FGFR4: variants seen among roughly 807,000 people sequenced by gnomAD.
The protein encoded by FGFR4 is hydroxyaryl-protein kinase.
A neutral mutation model predicts 89.9 loss-of-function variants in FGFR4; 63 were observed. That is an observed-to-expected ratio of 0.70 (90% CI 0.57 to 0.86). FGFR4 has a LOEUF of 0.86. Among genes scored for constraint, FGFR4 ranks in the 40% least tolerant of loss-of-function variants. FGFR4 has a pLI of 0.00. For synonymous variants in FGFR4, 486 were observed against 479.4 expected, an observed-to-expected ratio of 1.01 and a Z score of -0.18; for missense variants, 928 against 1,106.7, an observed-to-expected ratio of 0.84 and a Z score of 2.29.
intron 8 of FGFR4, 109 bp downstream of exon 8, chr5:177,092,893 G>C (rs754138584): frequency 6.4e-5 from 98 of 1,535,496 alleles, no homozygotes; most frequent in Non-Finnish European, 8.6e-5. Flanking sequence ...GGTCTGGCCT[G>C]GGGGGCAGTG....
In FGFR4 at chr5:177,089,883, G is replaced by A. The variant is rs1042708434; in HGVS notation, c.91+190G>A. On this transcript the variant is annotated intron_variant, in intron 2 of 17. Transcript: ENST00000292408. The stretch of plus-strand genomic sequence containing the variant: ...CAAGCATTCATCTATCACTGTGTCT[G>A]CGAGAGAGGACTGGCCTTGCAGGGC... 2.1e-5 allele frequency: 17 copies of A among 817,472 alleles called. 1 individual carries two copies. The highest frequency in any genetic ancestry group is 1.7e-4 in the African/African-American group (10 of 59,594). The allele number at this position is 817,472 out of a possible 1,614,324, so 50.6% of individuals were successfully genotyped here.
intron 11 of FGFR4, among the ~76,000 whole-genome samples, chr5:177,094,541 G>GC (rs1346028021): frequency 2.0e-5 from 3 of 151,638 alleles, no homozygotes; most frequent in Admixed American, 6.6e-5. Context: ...CCCTAGGTCT[G>GC]CCCCCCACGT....
In FGFR4 at chr5:177,096,153, A is replaced by T. The variant is rs761369768; in HGVS notation, c.1918A>T (p.Ile640Phe). The change falls in exon 14 of 18, where the codon ATT (isoleucine) becomes TTT (phenylalanine). Residue 640 changes from isoleucine to phenylalanine, a missense_variant. Physicochemically the swap from Ile to Phe is conservative, Grantham distance 21. Transcript: ENST00000292408. Reference protein sequence around the residue: ...DFGLARGVHHIDYYKKTSNGR... With the variant: ...DFGLARGVHHFDYYKKTSNGR... ...TGGGCTGGCCCGCGGCGTCCACCAC[A>T]TTGACTACTATAAGAAAACCAGCAA... is the stretch of plus-strand genomic sequence containing the variant. 7 of 1,614,096 alleles carry T rather than the reference A, an allele frequency of 4.3e-6. No homozygotes were observed. In the Admixed American group the frequency reaches 1.2e-4, roughly 27 times the overall value.
In FGFR4 at chr5:177,092,653, AC is replaced by A; in HGVS notation, c.927del (p.Asp309GlufsTer142). ...FPYVQVLKTA[D>X]INSSEVEVLY... ...GCATGTCCCCCACCCCAGACTGCAG[AC>A]ATCAATAGCTCAGAGGTGGAGGTCC... On this transcript the variant is annotated frameshift_variant, in exon 8 of 18. Transcript: ENST00000292408. LOFTEE classifies it high-confidence loss of function. The A allele has an allele frequency of 6.2e-7, 1 of 1,605,358 alleles. No individual in the cohort carries two copies. The highest frequency in any genetic ancestry group is 8.5e-7 in the Non-Finnish European group (1 of 1,172,936).
intron 5 of FGFR4, 83 bp from the exon 6 acceptor site, chr5:177,091,602 C>A: frequency 6.4e-7 from 1 of 1,559,926 alleles, no homozygotes. Flanking sequence ...GCCCTGTGGG[C>A]AGGATGAGGA....
rs1376315873 is a variant in FGFR4, at chr5:177,096,047, C to T, written c.1822-10C>T. 3 of 1,612,402 alleles carry T rather than the reference C, an allele frequency of 1.9e-6. No homozygotes were observed. Among genetic ancestry groups the T allele is most frequent in the Non-Finnish European group, 2.5e-6 (3 of 1,179,266 alleles). ...GTGTCCTGAGGCACCCAAGCCCCCGCTCCCTGCAGTGTATCCACCGGGACC... is the reference window on the plus strand; with the variant it reads ...GTGTCCTGAGGCACCCAAGCCCCCGTTCCCTGCAGTGTATCCACCGGGACC... On this transcript the variant is annotated splice_polypyrimidine_tract_variant and intron_variant, in intron 13 of 17. Transcript: ENST00000292408.
At chr5:177,096,825 CAGA>C in intron 16 of FGFR4, 84 bp downstream of exon 16, 1 of 1,499,752 alleles carries the variant, frequency 6.7e-7, no homozygotes, top group Non-Finnish European at 9.0e-7. Context: ...GTGTCCCGGC[CAGA>C]AGGACAACAC....
intron 11 of FGFR4, among the ~76,000 whole-genome samples, chr5:177,094,573 C>G (rs765892396): frequency 1.3e-5 from 2 of 151,780 alleles, no homozygotes; most frequent in Non-Finnish European, 2.9e-5. Flanking sequence ...GGAGGACAGC[C>G]CTTCTGCTTG....
Position 177,092,749 on chromosome 5 carries a change from T to A in FGFR4, c.1022T>A (p.Leu341His). The A allele has an allele frequency of 6.2e-7, 1 of 1,614,210 alleles. No homozygotes were observed. Among genetic ancestry groups the A allele is most frequent in the African/African-American group, 1.3e-5 (1 of 75,064 alleles). ...YTCLAGNSIG[L>H]SYQSAWLTVL... Reference sequence around the variant, plus strand: ...TGCCTCGCAGGCAATTCCATCGGCCTCTCCTACCAGTCTGCCTGGCTCACG... The same window carrying A: ...TGCCTCGCAGGCAATTCCATCGGCCACTCCTACCAGTCTGCCTGGCTCACG... Residue 341 changes from leucine to histidine, a missense_variant, in exon 8 of 18, where the codon CTC becomes CAC. Physicochemically the swap from Leu to His is moderately conservative, Grantham distance 99. This residue lies in a region of FGFR4 where 741 missense variants were observed against 836.9 expected (regional missense o/e 0.89). Coordinates refer to ENST00000292408, the MANE Select transcript of FGFR4 (RefSeq NM_213647.3).
chr5:177,091,244 C>A, intron 5 of FGFR4, 140 bp downstream of exon 5: 2 of 1,076,746 alleles, frequency 1.9e-6, no homozygotes, highest in Non-Finnish European at 2.6e-6. Context: ...GGACTGTGGA[C>A]CTGGGCAGCT....
intron 8 of FGFR4, 25 bp downstream of exon 8, chr5:177,092,809 T>C (rs1369319393): frequency 6.2e-7 from 1 of 1,614,118 alleles, no homozygotes; most frequent in Non-Finnish European, 8.5e-7. Flanking sequence ...GGCCAGGAGA[T>C]GCTGCGAGAT....
In FGFR4 at chr5:177,093,345, C is replaced by T; in HGVS notation, c.1251+14C>T. On this transcript the variant is annotated intron_variant, in intron 9 of 17. Transcript: ENST00000292408. This position sits in a 1 kb window ranked among gnomAD's most constrained non-coding sequence, Gnocchi z 5.8. Reference sequence around the variant, plus strand: ...CTGGCCCGACAGGTACTGGGCGCATCCCCCACCTCACATGTGACAGCCTGA... The same window carrying T: ...CTGGCCCGACAGGTACTGGGCGCATTCCCCACCTCACATGTGACAGCCTGA... 6.4e-7 allele frequency: 1 copy of T among 1,551,924 alleles called. No homozygotes were observed. The highest frequency in any genetic ancestry group is 8.8e-7 in the Non-Finnish European group (1 of 1,139,888).
chr5:177,094,710 C>T (rs1461546267), intron 11 of FGFR4: 1 of 156,422 alleles, frequency 6.4e-6, no homozygotes, highest in African/African-American at 2.4e-5. Flanking sequence ...TCCTCCCCTC[C>T]TCTCTACACA....
Position 177,090,942 on chromosome 5 carries a change from C to G in FGFR4, c.441C>G (p.Pro147=), listed in dbSNP as rs761185822. 18 of 1,614,056 alleles carry G rather than the reference C, an allele frequency of 1.1e-5. No individual in the cohort carries two copies. Among genetic ancestry groups the G allele is most frequent in the East Asian group, 2.2e-5 (1 of 44,896 alleles). The change falls in exon 5 of 18, where the codon CCC becomes CCG. Residue 147 remains proline, a synonymous_variant. Coordinates refer to ENST00000292408, the MANE Select transcript of FGFR4 (RefSeq NM_213647.3). ...GGGCCTTCCCCTGCCCTCCAGCACC[C>G]TACTGGACACACCCCCAGCGCATGG... ...SNRHSYPQQA[P]YWTHPQRMEK... is the part of the protein sequence containing the mutation.
In FGFR4 at chr5:177,086,932, C is replaced by G. The variant is rs1784161687; in HGVS notation, c.-199C>G. On this transcript the variant is annotated 5_prime_UTR_variant, in exon 1 of 18. Coordinates refer to ENST00000292408, the MANE Select transcript of FGFR4 (RefSeq NM_213647.3). ...CGCGGGTACATTCCTCGCTCCCGGC[C>G]GAGGAGCGCTCGGGCTGTCTGCGGA... The G allele has an allele frequency of 6.6e-6, 1 of 152,030 alleles. No homozygotes were observed. The highest frequency in any genetic ancestry group is 2.1e-4 in the South Asian group (1 of 4,822). The allele number at this position is 152,030 out of a possible 1,614,324, so 9.4% of individuals were successfully genotyped here. A position where few individuals can be genotyped will look rare whatever the true frequency, so the allele number is the denominator to read the frequency against.
chr5:177,089,826 C>A, intron 2 of FGFR4, 133 bp downstream of exon 2: 1 of 1,106,136 alleles, frequency 9.0e-7, no homozygotes, highest in Non-Finnish European at 1.3e-6. Flanking sequence ...CAGGGCTCAA[C>A]CACTGAGACT....
At chr5:177,096,982 TCTCTTCCTCCTCCTC>T (rs745732474) in intron 16 of FGFR4, among the ~76,000 whole-genome samples, 2 of 3,928 alleles carry the variant, frequency 5.1e-4, no homozygotes, top group African/African-American at 1.0e-3. Flanking sequence ...TCCTCCTCCT[TCTCTTCCTCCTCCTC>T]CTCTTCCTCC....
chr5:177,095,396 G>T lies in FGFR4; in HGVS notation c.1586G>T (p.Arg529Leu). ...ATGGAGGTGATGAAGCTGATCGGCC[G>T]ACACAAGAACATCATCAACCTGCTT... Reference protein sequence around the residue: ...SEMEVMKLIGRHKNIINLLGV... With the variant: ...SEMEVMKLIGLHKNIINLLGV... Residue 529 changes from arginine to leucine, a missense_variant, in exon 12 of 18, where the codon CGA becomes CTA. Coordinates refer to ENST00000292408, the MANE Select transcript of FGFR4 (RefSeq NM_213647.3). The surrounding 1 kb of genome is among the most constrained non-coding windows in gnomAD (Gnocchi z 5.7). The T allele has an allele frequency of 6.2e-7, 1 of 1,614,180 alleles. No homozygotes were observed. The highest frequency in any genetic ancestry group is 1.1e-5 in the South Asian group (1 of 91,066).
chr5:177,088,799 AC>A (rs1196453350), intron 1 of FGFR4, among the ~76,000 whole-genome samples: 3 of 120,410 alleles, frequency 2.5e-5, no homozygotes, highest in African/African-American at 9.4e-5. Flanking sequence ...AGGGAGGAGA[AC>A]ATTCCAACAC....
Sources: gnomAD v4.1 joint callset for allele counts (sites outside exome capture counted in the v4.1 genomes callset) on GRCh38, gnomAD v4.1.1 for gene constraint, gnomAD v4.1.1 regional missense constraint, Gnocchi (gnomAD v3.1) non-coding constraint, MANE v1.5 for transcripts, NCBI Gene and HGNC (gene_info 2026-07-23, HGNC 2026-07-21) for gene names.